TMEM132C: variants seen among roughly 807,000 people sequenced by gnomAD.
The protein encoded by TMEM132C is protein phosphatase 1, regulatory subunit 152.
Under a neutral mutation model 61.4 loss-of-function variants are expected in TMEM132C, and 29 were observed. The observed-to-expected ratio is 0.47, with a 90% CI of 0.35 to 0.64. The LOEUF (loss-of-function observed/expected upper bound fraction) is 0.64. Among genes scored for constraint, TMEM132C ranks in the 30% least tolerant of loss-of-function variants. TMEM132C has a pLI of 0.00. For missense variants in TMEM132C, 1,408 were observed against 1,476.9 expected (o/e 0.95, Z 0.76); for synonymous variants, 656 against 633.1 (o/e 1.04, Z -0.54).
At chr12:128,469,821 C>A (rs150050131) in intron 2 of TMEM132C, among the ~76,000 whole-genome samples, 27 of 150,344 alleles carry the variant, frequency 1.8e-4, no homozygotes, top group Non-Finnish European at 3.3e-4. Context: ...TATATACACA[C>A]GTGCATTTAT....
intron 1 of TMEM132C, among the ~76,000 whole-genome samples, chr12:128,380,586 C>CT (rs1874368792): frequency 1.3e-5 from 2 of 152,196 alleles, no homozygotes; most frequent in Admixed American, 6.5e-5. Context: ...TCCATAAACA[C>CT]TAAATTAGCA....
intron 1 of TMEM132C, among the ~76,000 whole-genome samples, chr12:128,387,001 A>G (rs995641857): frequency 1.3e-5 from 2 of 151,908 alleles, no homozygotes; most frequent in Non-Finnish European, 2.9e-5. Context: ...TTAACCAGAC[A>G]TGGTTGATGC....
At chr12:128,667,084 T>C (rs73428496) in intron 4 of TMEM132C, among the ~76,000 whole-genome samples, 4,010 of 152,148 alleles carry the variant, frequency 0.026, 191 homozygotes, top group African/African-American at 0.091. Flanking sequence ...TATATATAGA[T>C]ACAGATATAG....
At chr12:128,691,965 C>A (rs1954723335) in intron 5 of TMEM132C, among the ~76,000 whole-genome samples, 1 of 148,742 alleles carries the variant, frequency 6.7e-6, no homozygotes, top group Non-Finnish European at 1.5e-5. Context: ...ACTACCCATT[C>A]ACCTGTCCAC....
chr12:128,543,033 G>T (rs926951612), intron 2 of TMEM132C, among the ~76,000 whole-genome samples: 4 of 152,070 alleles, frequency 2.6e-5, no homozygotes, highest in Non-Finnish European at 4.4e-5. Context: ...TACTTGTCTC[G>T]TCCGTTTATT....
chr12:128,290,387 CTCATGAGAACTCACTA>C (rs59005666), intron 1 of TMEM132C, among the ~76,000 whole-genome samples: 13,972 of 152,032 alleles, frequency 0.092, 777 homozygotes, highest in East Asian at 0.19. Flanking sequence ...ACTATCAGAT[CTCATGAGAACTCACTA>C]TCATGAGAAC....
intron 1 of TMEM132C, among the ~76,000 whole-genome samples, chr12:128,393,843 C>T (rs1874848565): frequency 6.6e-6 from 1 of 152,216 alleles, no homozygotes; most frequent in Non-Finnish European, 1.5e-5. Flanking sequence ...GATGACTCAG[C>T]CGTGCTCCTT....
intron 1 of TMEM132C, among the ~76,000 whole-genome samples, chr12:128,292,305 C>T (rs1273072715): frequency 2.6e-5 from 4 of 152,154 alleles, no homozygotes; most frequent in African/African-American, 4.8e-5. Flanking sequence ...GAAACAAAGC[C>T]GGCCTCCCTG....
chr12:128,535,439 G>T (rs1393869421), intron 2 of TMEM132C, among the ~76,000 whole-genome samples: 2 of 152,168 alleles, frequency 1.3e-5, no homozygotes, highest in Non-Finnish European at 1.5e-5. Flanking sequence ...GATATGAACA[G>T]ACACTTCGCA....
At chr12:128,328,240 G>C (rs548252645) in intron 1 of TMEM132C, among the ~76,000 whole-genome samples, 10 of 152,080 alleles carry the variant, frequency 6.6e-5, no homozygotes, top group Non-Finnish European at 1.2e-4. Flanking sequence ...TCATAGACAT[G>C]GTTGCTTAAA....
chr12:128,561,823 G>A (rs559525499), intron 3 of TMEM132C, among the ~76,000 whole-genome samples: 1 of 152,296 alleles, frequency 6.6e-6, no homozygotes, highest in African/African-American at 2.4e-5. Context: ...GTGGTTTGGT[G>A]CCTCTGCTCT....
intron 2 of TMEM132C, among the ~76,000 whole-genome samples, chr12:128,456,002 A>G (rs905095136): frequency 1.3e-5 from 2 of 152,224 alleles, no homozygotes; most frequent in African/African-American, 4.8e-5. Context: ...CTACTACCAG[A>G]TGGCAAATAC....
At position 128,521,126 on chromosome 12, in the gene TMEM132C, T is replaced by C. The variant is rs143425648; in HGVS notation, c.975-22831T>C. 1.9e-4 allele frequency among the ~76,000 whole-genome samples: 29 copies of C among 152,236 alleles called. 1 individual carries two copies. The East Asian group carries it at 5.4e-3, about 28-fold the overall frequency. ...AAAAATATCTCCAGACATTGCCAGATATTCACTGCAAGATAAAAATCCCCC... is the reference window on the plus strand; with the variant it reads ...AAAAATATCTCCAGACATTGCCAGACATTCACTGCAAGATAAAAATCCCCC... On this transcript the variant is annotated intron_variant, in intron 2 of 8. Coordinates refer to ENST00000435159, the MANE Select transcript of TMEM132C (RefSeq NM_001136103.3).
intron 4 of TMEM132C, among the ~76,000 whole-genome samples, chr12:128,645,237 C>G (rs1954187265): frequency 6.6e-6 from 1 of 152,220 alleles, no homozygotes; most frequent in African/African-American, 2.4e-5. Flanking sequence ...TACGGCCTCT[C>G]TCCTCCAGAG....
At chr12:128,435,697 A>T (rs1363057833) in intron 2 of TMEM132C, among the ~76,000 whole-genome samples, 1 of 152,216 alleles carries the variant, frequency 6.6e-6, no homozygotes, top group African/African-American at 2.4e-5. Flanking sequence ...GGAAGAATCA[A>T]TATCATGAAA....
intron 3 of TMEM132C, among the ~76,000 whole-genome samples, chr12:128,546,262 C>T (rs1593094985): frequency 3.9e-5 from 6 of 152,168 alleles, no homozygotes; most frequent in African/African-American, 1.2e-4. Context: ...AGCAGGAGAT[C>T]AGAGGCCAAA....
chr12:128,423,491 C>G (rs1010013573), intron 2 of TMEM132C, among the ~76,000 whole-genome samples: 2 of 152,192 alleles, frequency 1.3e-5, no homozygotes, highest in African/African-American at 4.8e-5. Flanking sequence ...AAGATTTATG[C>G]AAGAATACTG....
intron 1 of TMEM132C, among the ~76,000 whole-genome samples, chr12:128,272,225 G>C (rs1870547388): frequency 6.6e-6 from 1 of 152,166 alleles, no homozygotes; most frequent in Non-Finnish European, 1.5e-5. Flanking sequence ...CCACTGATTA[G>C]TTATTTGTCT....
intron 3 of TMEM132C, among the ~76,000 whole-genome samples, chr12:128,594,077 G>T (rs1183269140): frequency 1.7e-5 from 2 of 115,300 alleles, no homozygotes; most frequent in African/African-American, 6.8e-5. Flanking sequence ...AGGGAACAAA[G>T]AAATCAGCCA....
Sources: allele counts gnomAD v4.1 joint callset (sites outside exome capture counted in the v4.1 genomes callset), GRCh38; gene constraint gnomAD v4.1.1; transcripts MANE v1.5; gene names NCBI Gene and HGNC (gene_info 2026-07-23, HGNC 2026-07-21).